Variants in CCN4 observed in about 807,000 individuals in gnomAD.
CCN4 encodes CCN family member 4.
Under a neutral mutation model 36.7 loss-of-function variants are expected in CCN4, and 30 were observed. The ratio of observed to expected loss-of-function variants is 0.82; its 90% CI spans 0.61 to 1.11. The LOEUF (loss-of-function observed/expected upper bound fraction) is 1.11. CCN4 is among the 50% of genes least tolerant of loss of function. The pLI, the probability that CCN4 is intolerant of heterozygous loss-of-function variation, is 0.00. For synonymous variants in CCN4, 191 were observed against 195.4 expected (o/e 0.98, Z 0.19); for missense variants, 505 against 504.9 (o/e 1.00, Z 0.00).
At position 133,209,416 on chromosome 8, in the gene CCN4, G is replaced by A. The variant is rs1378835514; in HGVS notation, c.70-3448G>A. On this transcript the variant is annotated intron_variant, in intron 1 of 4. Coordinates refer to ENST00000250160, the MANE Select transcript of CCN4 (RefSeq NM_003882.4). ...CAGATCTTGTCCAGCACCTTCTCCTGAGTCTGGGAGATTTTCTACCACTAG... is the reference window on the plus strand; with the variant it reads ...CAGATCTTGTCCAGCACCTTCTCCTAAGTCTGGGAGATTTTCTACCACTAG... 2.6e-5 allele frequency among the ~76,000 whole-genome samples: 4 copies of A among 152,324 alleles called. No individual in the cohort carries two copies. The East Asian group carries it at 7.7e-4, about 29-fold the overall frequency.
At chr8:133,201,145 A>G (rs1388086104) in intron 1 of CCN4, among the ~76,000 whole-genome samples, 1 of 152,202 alleles carries the variant, frequency 6.6e-6, no homozygotes, top group Non-Finnish European at 1.5e-5. Flanking sequence ...TTTGAGTCCC[A>G]GGGCTGAGGT....
intron 1 of CCN4, among the ~76,000 whole-genome samples, chr8:133,201,492 T>C (rs562827757): frequency 6.6e-6 from 1 of 152,324 alleles, no homozygotes; most frequent in South Asian, 2.1e-4. Context: ...AGAGACACAC[T>C]GGAGAATTTC....
chr8:133,220,891 T>C (rs1487875997), intron 3 of CCN4, 50 bp downstream of exon 3: 4 of 1,549,016 alleles, frequency 2.6e-6, no homozygotes, highest in East Asian at 4.6e-5. Flanking sequence ...AAATGGGTTG[T>C]GGACCCTCCT....
chr8:133,231,323 T>C lies in CCN4; in HGVS notation c.*3613T>C, dbSNP rs1854957316. On this transcript the variant is annotated 3_prime_UTR_variant, in exon 5 of 5. Transcript: ENST00000250160. ...CTATGTATCCCTGTGTGTGTATATA[T>C]ATGTATGTATGTATCTATTTTCAAA... 6.6e-6 allele frequency: 1 copy of C among 152,190 alleles called. No homozygotes were observed. Among genetic ancestry groups the C allele is most frequent in the African/African-American group, 2.4e-5 (1 of 41,444 alleles). 9.4% of individuals were successfully genotyped at this position (152,190 alleles called of 1,614,324 possible).
intron 1 of CCN4, among the ~76,000 whole-genome samples, chr8:133,200,954 A>G (rs753786269): frequency 1.1e-4 from 16 of 151,910 alleles, no homozygotes; most frequent in Non-Finnish European, 1.6e-4. Flanking sequence ...CCCTCTCATC[A>G]ATTTCCACTC....
intron 1 of CCN4, among the ~76,000 whole-genome samples, chr8:133,199,827 G>T (rs919937009): frequency 5.9e-5 from 9 of 152,142 alleles, no homozygotes; most frequent in African/African-American, 1.9e-4. Context: ...GCCAGCCCTT[G>T]TTGGGCCCTT....
chr8:133,225,144 G>A (rs747019794), intron 3 of CCN4, among the ~76,000 whole-genome samples: 1 of 152,188 alleles, frequency 6.6e-6, no homozygotes, highest in Non-Finnish European at 1.5e-5. Flanking sequence ...TGTCTCTAAA[G>A]ATGGGTTTCC....
intron 1 of CCN4, 70 bp downstream of exon 1, chr8:133,191,283 G>C (rs1853100318): frequency 6.6e-7 from 1 of 1,512,600 alleles, no homozygotes; most frequent in African/African-American, 1.4e-5. Context: ...CTACATGGGG[G>C]CTGGTGGGCA....
At chr8:133,195,212 G>A (rs1225528068) in intron 1 of CCN4, among the ~76,000 whole-genome samples, 1 of 148,438 alleles carries the variant, frequency 6.7e-6, no homozygotes, top group Non-Finnish European at 1.5e-5. Flanking sequence ...TGTGTATGGT[G>A]TGTGTATGTG....
At chr8:133,201,979 A>G (rs1254002531) in intron 1 of CCN4, among the ~76,000 whole-genome samples, 1 of 152,216 alleles carries the variant, frequency 6.6e-6, no homozygotes, top group African/African-American at 2.4e-5. Flanking sequence ...TATTCTCTCA[A>G]CGTGGGTGAA....
chr8:133,200,134 G>A (rs1428184140), intron 1 of CCN4, among the ~76,000 whole-genome samples: 5 of 152,192 alleles, frequency 3.3e-5, no homozygotes, highest in Non-Finnish European at 4.4e-5. Context: ...ATGGAGTCAC[G>A]CTCTGGGCGG....
Position 133,213,159 on chromosome 8 carries a change from A to C in CCN4, c.349+16A>C. 1 of 1,584,256 alleles carries C rather than the reference A, an allele frequency of 6.3e-7. No homozygotes were observed. Among genetic ancestry groups the C allele is most frequent in the Admixed American group, 1.7e-5 (1 of 59,242 alleles). On this transcript the variant is annotated intron_variant, in intron 2 of 4. Transcript: ENST00000250160. Reference sequence around the variant, plus strand: ...GTGTGTGCACGTAAGTGAGTCCTCCATACCTTCTGACCAGCCCCTGAGCAC... The same window carrying C: ...GTGTGTGCACGTAAGTGAGTCCTCCCTACCTTCTGACCAGCCCCTGAGCAC...
In CCN4 at chr8:133,222,435, G is replaced by A. The variant is rs1445008779; in HGVS notation, c.610+1594G>A. On this transcript the variant is annotated intron_variant, in intron 3 of 4. Transcript: ENST00000250160. ...GTTTAAGGCAGAGTGCCCTGCCCAC[G>A]GGATCTTAAGAGAAGCTTCCAGTTT... 3.3e-5 allele frequency among the ~76,000 whole-genome samples: 5 copies of A among 152,074 alleles called. 1 individual carries two copies. The highest frequency in any genetic ancestry group is 1.9e-4 in the East Asian group (1 of 5,132).
intron 2 of CCN4, among the ~76,000 whole-genome samples, chr8:133,219,543 C>T (rs1280656359): frequency 6.6e-6 from 1 of 152,192 alleles, no homozygotes; most frequent in Non-Finnish European, 1.5e-5. Context: ...AATTTTGCCA[C>T]AAAATATCTC....
chr8:133,199,070 G>T (rs1296514623), intron 1 of CCN4, among the ~76,000 whole-genome samples: 1 of 152,156 alleles, frequency 6.6e-6, no homozygotes, highest in Non-Finnish European at 1.5e-5. Context: ...GATTTTTTTT[G>T]AAGTAGAAGC....
chr8:133,220,856 G>T lies in CCN4; in HGVS notation c.610+15G>T. 3 of 1,588,846 alleles carry T rather than the reference G, an allele frequency of 1.9e-6. No individual in the cohort carries two copies. The highest frequency in any genetic ancestry group is 2.6e-6 in the Non-Finnish European group (3 of 1,162,946). On this transcript the variant is annotated intron_variant, in intron 3 of 4. Transcript: ENST00000250160. The stretch of plus-strand genomic sequence containing the variant: ...AGGAGCCTTCGGTGGGTGTGGGCCC[G>T]AGTGGGCTGGGGGTGGGACCCTACA...
At chr8:133,205,309 G>C (rs1297732279) in intron 1 of CCN4, among the ~76,000 whole-genome samples, 1 of 152,222 alleles carries the variant, frequency 6.6e-6, no homozygotes, top group Non-Finnish European at 1.5e-5. Flanking sequence ...GTGAACATCT[G>C]CAATTTGGAA....
intron 1 of CCN4, among the ~76,000 whole-genome samples, chr8:133,209,472 G>A (rs866199691): frequency 1.8e-4 from 28 of 152,306 alleles, no homozygotes; most frequent in African/African-American, 6.0e-4. Flanking sequence ...TGGCTCAGCC[G>A]ACTGCCCACA....
rs554231646 is a variant in CCN4, at chr8:133,197,828, G to A, written c.69+6615G>A. ...GGGAGGGGTCCACCCTGCAGCTCTAGGAATCCTGCTCTGAGTCTGGGAGTG... is the reference window on the plus strand; with the variant it reads ...GGGAGGGGTCCACCCTGCAGCTCTAAGAATCCTGCTCTGAGTCTGGGAGTG... On this transcript the variant is annotated intron_variant, in intron 1 of 4. Transcript: ENST00000250160. 3.3e-5 allele frequency among the ~76,000 whole-genome samples: 5 copies of A among 152,262 alleles called. No homozygotes were observed. In the South Asian group the frequency reaches 1.0e-3, roughly 32 times the overall value.
Sources: allele counts gnomAD v4.1 joint callset (sites outside exome capture counted in the v4.1 genomes callset), GRCh38; gene constraint gnomAD v4.1.1; transcripts MANE v1.5; gene names NCBI Gene and HGNC (gene_info 2026-07-23, HGNC 2026-07-21).